DLGAP1: variants seen among roughly 807,000 people sequenced by gnomAD.
The protein encoded by DLGAP1 is disks large-associated protein 1.
DLGAP1 carries 11 observed loss-of-function variants against 90.8 expected under a neutral mutation model. The observed-to-expected ratio is 0.12, with a 90% CI of 0.08 to 0.20. The LOEUF (loss-of-function observed/expected upper bound fraction) is 0.20, where lower values mean the gene tolerates loss of function less well. Ranked by LOEUF, DLGAP1 falls within the 10% of genes least tolerant of loss-of-function variation. The pLI is 1.00. For missense variants in DLGAP1, 1,050 were observed against 1,333.8 expected (o/e 0.79, Z 3.31); for synonymous variants, 558 against 540.7 (o/e 1.03, Z -0.44).
At chr18:4,257,607 T>C (rs1169467859) in intron 1 of DLGAP1, among the ~76,000 whole-genome samples, 2 of 152,060 alleles carry the variant, frequency 1.3e-5, no homozygotes, top group Non-Finnish European at 2.9e-5. Flanking sequence ...AACAAATTCA[T>C]TTTTTTCTTT....
At position 3,742,594 on chromosome 18, in the gene DLGAP1, T is replaced by C. The variant is rs550763762; in HGVS notation, c.1173-82A>G. On this transcript the variant is annotated intron_variant, in intron 5 of 12. Transcript: ENST00000315677. The stretch of plus-strand genomic sequence containing the variant: ...TAACATGTGGCACTATTGTCATTTA[T>C]GTAGCACCCTAAATACTGGGACAAA... The C allele has an allele frequency of 2.1e-5, 32 of 1,490,448 alleles. No individual in the cohort carries two copies. The African/African-American group carries it at 3.2e-4, about 15-fold the overall frequency. 92.3% of individuals were successfully genotyped at this position (1,490,448 alleles called of 1,614,324 possible).
chr18:4,065,672 T>C (rs1311582405), intron 2 of DLGAP1, among the ~76,000 whole-genome samples: 1 of 151,864 alleles, frequency 6.6e-6, no homozygotes, highest in East Asian at 1.9e-4. Flanking sequence ...AAATCAGAGA[T>C]GACACAAACA....
intron 5 of DLGAP1, among the ~76,000 whole-genome samples, chr18:3,748,076 C>G (rs1568063690): frequency 6.6e-6 from 1 of 152,236 alleles, no homozygotes; most frequent in Non-Finnish European, 1.5e-5. Flanking sequence ...CAATGTTGGT[C>G]TAACGAAATG....
At chr18:4,235,974 C>T (rs2078406473) in intron 1 of DLGAP1, among the ~76,000 whole-genome samples, 1 of 152,050 alleles carries the variant, frequency 6.6e-6, no homozygotes, top group South Asian at 2.1e-4. Flanking sequence ...GATCCGCCTG[C>T]CTTAGCCTTC....
chr18:3,670,826 A>G (rs915475871), intron 7 of DLGAP1, among the ~76,000 whole-genome samples: 5 of 152,178 alleles, frequency 3.3e-5, no homozygotes, highest in African/African-American at 1.2e-4. Flanking sequence ...CAAATCATCT[A>G]ACATTAACTG....
chr18:4,338,986 T>A (rs1395833721), intron 1 of DLGAP1, among the ~76,000 whole-genome samples: 1 of 152,194 alleles, frequency 6.6e-6, no homozygotes, highest in Non-Finnish European at 1.5e-5. Flanking sequence ...TGAGACTGTG[T>A]CCAACTGATG....
rs554187290 is a variant in DLGAP1, at chr18:3,750,291, G to C, written c.1173-7779C>G. Among the ~76,000 whole-genome samples, 5 of 152,282 alleles carry C rather than the reference G, an allele frequency of 3.3e-5. No homozygotes were observed. The East Asian group carries it at 9.6e-4, about 29-fold the overall frequency. The stretch of plus-strand genomic sequence containing the variant: ...CTTCCAGCTGCATCCATGTTGCTGT[G>C]AAGGACATGATTTCATTGTTATGGC... On this transcript the variant is annotated intron_variant, in intron 5 of 12. Coordinates refer to ENST00000315677, the MANE Select transcript of DLGAP1 (RefSeq NM_004746.4).
intron 1 of DLGAP1, among the ~76,000 whole-genome samples, chr18:4,227,595 G>A (rs1372217912): frequency 6.6e-6 from 1 of 151,800 alleles, no homozygotes; most frequent in South Asian, 2.1e-4. Flanking sequence ...GCCCCCAAAT[G>A]ATTAGTAAGT....
chr18:4,143,296 C>T (rs1285099611), intron 2 of DLGAP1, among the ~76,000 whole-genome samples: 1 of 151,872 alleles, frequency 6.6e-6, no homozygotes, highest in Non-Finnish European at 1.5e-5. Flanking sequence ...AACCTGATGC[C>T]CTATTGTACT....
intron 3 of DLGAP1, among the ~76,000 whole-genome samples, chr18:3,916,122 C>T (rs943372456): frequency 6.6e-6 from 1 of 152,216 alleles, no homozygotes; most frequent in African/African-American, 2.4e-5. Flanking sequence ...GCTGGATTTG[C>T]TCTCTGCTGT....
intron 6 of DLGAP1, among the ~76,000 whole-genome samples, chr18:3,733,863 C>T (rs72860469): frequency 0.046 from 6,931 of 152,280 alleles, 221 homozygotes; most frequent in Non-Finnish European, 0.064. Flanking sequence ...TTTCTTCCAG[C>T]ATAAACCATT....
At chr18:4,384,031 G>A (rs969596965) in intron 1 of DLGAP1, among the ~76,000 whole-genome samples, 4 of 152,240 alleles carry the variant, frequency 2.6e-5, no homozygotes, top group South Asian at 2.1e-4. Flanking sequence ...TGAGCCATGC[G>A]ACAAGCAATT....
At chr18:4,191,685 T>C (rs1023541497) in intron 1 of DLGAP1, among the ~76,000 whole-genome samples, 1 of 152,200 alleles carries the variant, frequency 6.6e-6, no homozygotes, top group Non-Finnish European at 1.5e-5. Flanking sequence ...TGTGGCTAAT[T>C]GTCCCCCATT....
intron 2 of DLGAP1, among the ~76,000 whole-genome samples, chr18:4,103,714 C>G (rs536425460): frequency 6.6e-6 from 1 of 152,086 alleles, no homozygotes; most frequent in Non-Finnish European, 1.5e-5. Context: ...GATTATGATG[C>G]TTGCTATTCA....
Position 3,717,672 on chromosome 18 carries a change from A to T in DLGAP1, c.1591+11463T>A, listed in dbSNP as rs75265635. On this transcript the variant is annotated intron_variant, in intron 7 of 12. Coordinates refer to ENST00000315677, the MANE Select transcript of DLGAP1 (RefSeq NM_004746.4). ...TTTTATGCTTCTGTGGAGACATCAG[A>T]GTCATCCCAGAAAGCTACAGCGTTC... 3.0e-3 allele frequency among the ~76,000 whole-genome samples: 454 copies of T among 152,332 alleles called. 1 individual carries two copies. Among genetic ancestry groups the T allele is most frequent in the African/African-American group, 0.01 (418 of 41,584 alleles).
At chr18:4,165,014 T>A (rs991397688) in intron 1 of DLGAP1, among the ~76,000 whole-genome samples, 1 of 151,974 alleles carries the variant, frequency 6.6e-6, no homozygotes, top group Non-Finnish European at 1.5e-5. Flanking sequence ...TTTAGGAAGA[T>A]TACAAAAATC....
chr18:4,194,065 A>G (rs1390775754), intron 1 of DLGAP1, among the ~76,000 whole-genome samples: 2 of 152,062 alleles, frequency 1.3e-5, no homozygotes, highest in African/African-American at 4.8e-5. Context: ...TGTTATATGT[A>G]TATTGCCTGA....
chr18:4,252,325 T>G (rs1568472617), intron 1 of DLGAP1, among the ~76,000 whole-genome samples: 1 of 152,238 alleles, frequency 6.6e-6, no homozygotes, highest in Non-Finnish European at 1.5e-5. Flanking sequence ...TCACTTAGAT[T>G]ACTGTAAATA....
At chr18:4,175,932 A>C (rs1037131026) in intron 1 of DLGAP1, among the ~76,000 whole-genome samples, 1 of 152,126 alleles carries the variant, frequency 6.6e-6, no homozygotes, top group Admixed American at 6.6e-5. Context: ...TTCCATATGA[A>C]ATTTAAAGTA....
Sources: allele counts gnomAD v4.1 joint callset (sites outside exome capture counted in the v4.1 genomes callset), GRCh38; gene constraint gnomAD v4.1.1; transcripts MANE v1.5; gene names NCBI Gene and HGNC (gene_info 2026-07-23, HGNC 2026-07-21).